Variants in MTMR7 observed in about 807,000 individuals in gnomAD.
MTMR7 encodes myotubularin related protein 7.
Under a neutral mutation model 81.2 loss-of-function variants are expected in MTMR7, and 76 were observed. That is an observed-to-expected ratio of 0.94 (90% CI 0.78 to 1.13). The LOEUF (loss-of-function observed/expected upper bound fraction) is 1.13, where lower values mean the gene tolerates loss of function less well. Among genes scored for constraint, MTMR7 ranks in the 50% most tolerant of loss-of-function variants. The pLI, the probability that MTMR7 is intolerant of heterozygous loss-of-function variation, is 0.00. For missense variants in MTMR7, 1,044 were observed against 820.0 expected, an observed-to-expected ratio of 1.27 and a Z score of -3.34; for synonymous variants, 372 against 289.8, an observed-to-expected ratio of 1.28 and a Z score of -2.88.
chr8:17,311,780 C>A, intron 8 of MTMR7, 144 bp from the exon 9 acceptor site: 3 of 1,317,356 alleles, frequency 2.3e-6, no homozygotes, highest in South Asian at 2.7e-5. Context: ...TAGGGCCCCC[C>A]CTAATTAGGG....
chr8:17,379,320 C>G (rs1585107145), intron 1 of MTMR7, among the ~76,000 whole-genome samples: 1 of 152,192 alleles, frequency 6.6e-6, no homozygotes, highest in South Asian at 2.1e-4. Flanking sequence ...TTTGAGCGGG[C>G]AGAAGCAGAT....
chr8:17,305,654 A>G, intron 11 of MTMR7, 103 bp downstream of exon 11: 2 of 972,014 alleles, frequency 2.1e-6, no homozygotes, highest in Non-Finnish European at 3.1e-6. Flanking sequence ...TAGGTATGTG[A>G]CTAAATGAAA....
Position 17,371,157 on chromosome 8 carries a change from T to G in MTMR7, c.190A>C (p.Thr64Pro). The part of the protein sequence containing the change: ...QISTIEKQAT[T>P]ATGCPLLIRC... ...ATCAGCAGAGGGCATCCGGTAGCGG[T>G]TGTTGCCTGTTTCTCAATGGTGGAA... The change falls in exon 3 of 14, where the codon ACC becomes CCC. Residue 64 changes from threonine to proline, a missense_variant. Coordinates refer to ENST00000180173, the MANE Select transcript of MTMR7 (RefSeq NM_004686.5). The G allele has an allele frequency of 6.2e-7, 1 of 1,614,218 alleles. No individual in the cohort carries two copies. Among genetic ancestry groups the G allele is most frequent in the Non-Finnish European group, 8.5e-7 (1 of 1,180,032 alleles).
At chr8:17,371,284 A>C (rs948859904) in intron 2 of MTMR7, 85 bp from the exon 3 acceptor site, 16 of 1,464,684 alleles carry the variant, frequency 1.1e-5, no homozygotes, top group Non-Finnish European at 1.5e-5. Flanking sequence ...TGGCTCAAAG[A>C]AAGACAAGAA....
chr8:17,358,272 A>G (rs551723358), intron 4 of MTMR7, among the ~76,000 whole-genome samples: 4 of 152,222 alleles, frequency 2.6e-5, no homozygotes, highest in Non-Finnish European at 4.4e-5. Flanking sequence ...GTGGAAATAT[A>G]ATCATATAAA....
rs375857177 is a variant in MTMR7, at chr8:17,412,413, C to A, written c.24+856G>T. Among the ~76,000 whole-genome samples the A allele has an allele frequency of 8.9e-4, 136 of 152,290 alleles. 1 individual carries two copies. The highest frequency in any genetic ancestry group is 3.0e-3 in the African/African-American group (125 of 41,548). On this transcript the variant is annotated intron_variant, in intron 1 of 13. Coordinates refer to ENST00000180173, the MANE Select transcript of MTMR7 (RefSeq NM_004686.5). ...GAGCTGTGGTGGTAGTAACAACAGACAGCCAATAGGGTTTTTAAGCATATT... is the reference window on the plus strand; with the variant it reads ...GAGCTGTGGTGGTAGTAACAACAGAAAGCCAATAGGGTTTTTAAGCATATT...
At chr8:17,402,780 TTGTATTTTAGCTC>T (rs1368366038) in intron 1 of MTMR7, among the ~76,000 whole-genome samples, 2 of 152,174 alleles carry the variant, frequency 1.3e-5, no homozygotes, top group Non-Finnish European at 2.9e-5. Flanking sequence ...GCTTGCTGGA[TTGTATTTTAGCTC>T]TGTTTTTAGT....
At chr8:17,311,763 G>T (rs1563322448) in intron 8 of MTMR7, 127 bp from the exon 9 acceptor site, 1 of 1,426,412 alleles carries the variant, frequency 7.0e-7, no homozygotes, top group South Asian at 1.3e-5. Flanking sequence ...CTGTCCATTC[G>T]TCTGTTTAGG....
chr8:17,364,410 A>G (rs923624843), intron 3 of MTMR7, among the ~76,000 whole-genome samples: 2 of 152,320 alleles, frequency 1.3e-5, no homozygotes, highest in African/African-American at 4.8e-5. Context: ...TGCCTCAAGT[A>G]TTTAACATTT....
At chr8:17,372,098 G>T (rs1229162088) in intron 2 of MTMR7, among the ~76,000 whole-genome samples, 48 of 152,044 alleles carry the variant, frequency 3.2e-4, no homozygotes, top group Non-Finnish European at 5.9e-5. Context: ...AACTTTAAAG[G>T]AAATCATACT....
At chr8:17,304,622 AACC>A in intron 11 of MTMR7, 103 bp from the exon 12 acceptor site, 3 of 1,250,888 alleles carry the variant, frequency 2.4e-6, no homozygotes, top group Non-Finnish European at 3.4e-6. Flanking sequence ...GTTACCTGAA[AACC>A]ACGTGTCTGT....
intron 1 of MTMR7, among the ~76,000 whole-genome samples, chr8:17,377,732 T>C (rs1198853838): frequency 6.6e-6 from 1 of 152,148 alleles, no homozygotes; most frequent in Admixed American, 6.5e-5. Flanking sequence ...AGTATCCTCA[T>C]TCTTCTTTCT....
chr8:17,301,429 G>T (rs1023263261), intron 13 of MTMR7, among the ~76,000 whole-genome samples: 1 of 152,012 alleles, frequency 6.6e-6, no homozygotes, highest in South Asian at 2.1e-4. Context: ...GACAGTGAGA[G>T]GACAAACACA....
chr8:17,408,598 C>T (rs1821659779), intron 1 of MTMR7, among the ~76,000 whole-genome samples: 1 of 151,968 alleles, frequency 6.6e-6, no homozygotes, highest in Non-Finnish European at 1.5e-5. Flanking sequence ...CTTAAGAAGT[C>T]ACTTCTGCTC....
intron 6 of MTMR7, among the ~76,000 whole-genome samples, chr8:17,340,341 A>C (rs1819370067): frequency 6.6e-6 from 1 of 152,236 alleles, no homozygotes; most frequent in South Asian, 2.1e-4. Context: ...TTACCATACA[A>C]GGAGACAGAA....
At chr8:17,339,608 T>A (rs969589199) in intron 6 of MTMR7, among the ~76,000 whole-genome samples, 1 of 152,254 alleles carries the variant, frequency 6.6e-6, no homozygotes, top group African/African-American at 2.4e-5. Flanking sequence ...AGCTGAATAA[T>A]ATTCCACTGA....
chr8:17,406,586 A>C (rs73551395), intron 1 of MTMR7, among the ~76,000 whole-genome samples: 7,055 of 152,226 alleles, frequency 0.046, 527 homozygotes, highest in African/African-American at 0.16. Context: ...CAGTGCCTTA[A>C]AATGATAACC....
chr8:17,318,391 A>G (rs1167685902), intron 7 of MTMR7, among the ~76,000 whole-genome samples: 2 of 152,144 alleles, frequency 1.3e-5, no homozygotes, highest in Non-Finnish European at 2.9e-5. Flanking sequence ...GTTCATGATA[A>G]TGGCTAGCAG....
chr8:17,349,853 T>A (rs914094111), intron 4 of MTMR7, among the ~76,000 whole-genome samples: 1 of 152,094 alleles, frequency 6.6e-6, no homozygotes, highest in Non-Finnish European at 1.5e-5. Flanking sequence ...GAACCAGAAA[T>A]CAGCAGTTTA....
Sources: gnomAD v4.1 joint callset for allele counts (sites outside exome capture counted in the v4.1 genomes callset) on GRCh38, gnomAD v4.1.1 for gene constraint, MANE v1.5 for transcripts, NCBI Gene and HGNC (gene_info 2026-07-23, HGNC 2026-07-21) for gene names.